Variants in TANC1 observed in about 807,000 individuals in gnomAD.
TANC1 encodes tetratricopeptide repeat, ankyrin repeat and coiled-coil containing 1, also known as protein TANC1.
A neutral mutation model predicts 149.7 loss-of-function variants in TANC1; 77 were observed. That is an observed-to-expected ratio of 0.51 (90% CI 0.43 to 0.62). The LOEUF (loss-of-function observed/expected upper bound fraction) is 0.62. TANC1 is among the 20% of genes least tolerant of loss of function. TANC1 has a pLI of 0.00. For missense variants in TANC1, 1,985 were observed against 2,321.8 expected, an observed-to-expected ratio of 0.85 and a Z score of 2.98; for synonymous variants, 854 against 925.0, an observed-to-expected ratio of 0.92 and a Z score of 1.39.
chr2:158,984,046 C>A (rs1236887669), intron 1 of TANC1, among the ~76,000 whole-genome samples: 5 of 152,146 alleles, frequency 3.3e-5, no homozygotes, highest in Non-Finnish European at 5.9e-5. Flanking sequence ...AAGATCTCAG[C>A]CAGGCAAGGA....
At chr2:159,107,267 T>G (rs1268184226) in intron 4 of TANC1, among the ~76,000 whole-genome samples, 1 of 151,478 alleles carries the variant, frequency 6.6e-6, no homozygotes, top group Non-Finnish European at 1.5e-5. Context: ...CATCAGGTGA[T>G]TCACCTGCCT....
chr2:159,096,579 C>T (rs577939342), intron 3 of TANC1, among the ~76,000 whole-genome samples: 122 of 152,274 alleles, frequency 8.0e-4, no homozygotes, highest in Non-Finnish European at 1.4e-3. Flanking sequence ...TTATTCCTGA[C>T]GCAGGTAGCC....
intron 7 of TANC1, among the ~76,000 whole-genome samples, chr2:159,159,396 C>A (rs1226175739): frequency 6.7e-6 from 1 of 149,038 alleles, no homozygotes; most frequent in African/African-American, 2.5e-5. Context: ...GCCGAGATAG[C>A]ACCACTGCAC....
chr2:159,142,061 A>G (rs1362925786), intron 5 of TANC1, among the ~76,000 whole-genome samples: 1 of 152,228 alleles, frequency 6.6e-6, no homozygotes, highest in Non-Finnish European at 1.5e-5. Context: ...GGTATGTGAT[A>G]AGGAAATGGA....
chr2:159,214,839 C>G (rs2059244401), intron 19 of TANC1, among the ~76,000 whole-genome samples: 1 of 152,202 alleles, frequency 6.6e-6, no homozygotes, highest in Admixed American at 6.5e-5. Context: ...TCCAACAGGA[C>G]AGAGCCCTTT....
chr2:159,224,542 G>A lies in TANC1; in HGVS notation c.3811+178G>A, dbSNP rs183377620. The stretch of plus-strand genomic sequence containing the variant: ...ACACAATGTGTAAGTAGCTCACGGT[G>A]TTTCTGCGGGGAGGGTGTGGAAAGC... On this transcript the variant is annotated intron_variant, in intron 23 of 26. Coordinates refer to ENST00000263635, the MANE Select transcript of TANC1 (RefSeq NM_033394.3). 393 of 701,624 alleles carry A rather than the reference G, an allele frequency of 5.6e-4. 2 individuals are homozygous for A. In the African/African-American group the frequency reaches 6.5e-3, roughly 12 times the overall value. 43.5% of individuals were successfully genotyped at this position (701,624 alleles called of 1,614,324 possible).
chr2:159,202,946 C>G (rs973591963), intron 19 of TANC1, among the ~76,000 whole-genome samples: 1 of 152,134 alleles, frequency 6.6e-6, no homozygotes, highest in African/African-American at 2.4e-5. Context: ...AGCTGGTGAC[C>G]TCATGCTGCT....
intron 22 of TANC1, among the ~76,000 whole-genome samples, chr2:159,221,386 A>G (rs1316811886): frequency 6.7e-6 from 1 of 149,616 alleles, no homozygotes; most frequent in African/African-American, 2.5e-5. Flanking sequence ...GTCTCAAAAA[A>G]ATAATAAATA....
At position 159,230,535 on chromosome 2, in the gene TANC1, C is replaced by T; in HGVS notation, c.5109C>T (p.Asp1703=). The part of the protein sequence containing the change: ...KVQGPDTRIK[D]KVVTHVQSGT... ...AAGGACCAGATACTAGAATTAAAGA[C>T]AAGGTTGTAACCCACGTTCAGAGCG... The change falls in exon 27 of 27, where the codon GAC becomes GAT. Residue 1703 remains aspartate (D), a synonymous_variant. Coordinates refer to ENST00000263635, the MANE Select transcript of TANC1 (RefSeq NM_033394.3). This position sits in a 1 kb window ranked among gnomAD's most constrained non-coding sequence, Gnocchi z 4.4. The T allele has an allele frequency of 6.2e-7, 1 of 1,614,198 alleles. No homozygotes were observed. Among genetic ancestry groups the T allele is most frequent in the South Asian group, 1.1e-5 (1 of 91,092 alleles).
intron 2 of TANC1, among the ~76,000 whole-genome samples, chr2:159,041,606 AT>A (rs1466758458): frequency 6.6e-6 from 1 of 152,186 alleles, no homozygotes; most frequent in Non-Finnish European, 1.5e-5. Flanking sequence ...GCAGGATATA[AT>A]CTCCTGGTGT....
At chr2:159,048,778 G>A (rs141179951) in intron 2 of TANC1, among the ~76,000 whole-genome samples, 17 of 152,272 alleles carry the variant, frequency 1.1e-4, no homozygotes, top group East Asian at 9.6e-4. Flanking sequence ...GGGTATAGGC[G>A]GGTGAACAAA....
chr2:159,120,646 A>G (rs1559297210), intron 4 of TANC1, among the ~76,000 whole-genome samples: 1 of 152,160 alleles, frequency 6.6e-6, no homozygotes, highest in Non-Finnish European at 1.5e-5. Context: ...TATGTATTTC[A>G]GGATAGGGTG....
intron 9 of TANC1, among the ~76,000 whole-genome samples, 170 bp downstream of exon 9, chr2:159,169,542 T>C (rs1364006114): frequency 1.3e-5 from 2 of 152,224 alleles, no homozygotes; most frequent in African/African-American, 2.4e-5. Context: ...CTCAACAGTT[T>C]GGGGCTTCTT....
At chr2:159,023,593 T>C (rs11674055) in intron 2 of TANC1, among the ~76,000 whole-genome samples, 104,006 of 151,722 alleles carry the variant, frequency 0.69, 35,919 homozygotes, top group Non-Finnish European at 0.74. Context: ...CCTCCCACCT[T>C]GGCTTCCCAA....
At position 159,219,356 on chromosome 2, in the gene TANC1, C is replaced by A. The variant is rs1351793384; in HGVS notation, c.3497C>A (p.Ser1166Ter). The A allele has an allele frequency of 1.2e-6, 2 of 1,607,466 alleles. No individual in the cohort carries two copies. ...GHLSTVEFLL[S>*]KGAALSSLDK... ...TTGAGCACCGTGGAATTCCTCCTTTCAAAAGGTAGCAGCGTGATGCCCTCA... is the reference window on the plus strand; with the variant it reads ...TTGAGCACCGTGGAATTCCTCCTTTAAAAAGGTAGCAGCGTGATGCCCTCA... The change falls in exon 21 of 27, where the codon TCA becomes TAA. Residue 1166 changes from serine (S) to a stop codon, truncating the protein, a stop_gained. Transcript: ENST00000263635. LOFTEE classifies it high-confidence loss of function.
intron 7 of TANC1, among the ~76,000 whole-genome samples, chr2:159,163,067 C>A (rs2054207736): frequency 6.6e-6 from 1 of 152,196 alleles, no homozygotes; most frequent in South Asian, 2.1e-4. Context: ...TTCTCCCTCG[C>A]TCCTCTTCTC....
In TANC1 at chr2:159,219,677, G is replaced by A; in HGVS notation, c.3503-15G>A. ...CTCATAATGTTCATGTTCTGTGAATGGGCTTTCCTTTCAGGTGCAGCCCTT... is the reference window on the plus strand; with the variant it reads ...CTCATAATGTTCATGTTCTGTGAATAGGCTTTCCTTTCAGGTGCAGCCCTT... On this transcript the variant is annotated splice_polypyrimidine_tract_variant and intron_variant, in intron 21 of 26. Transcript: ENST00000263635. 1 of 1,614,078 alleles carries A rather than the reference G, an allele frequency of 6.2e-7. No individual in the cohort carries two copies. Among genetic ancestry groups the A allele is most frequent in the Non-Finnish European group, 8.5e-7 (1 of 1,179,986 alleles).
At chr2:159,225,596 T>TGGTGCTGACCTCCAGCC (rs1298003832) in intron 23 of TANC1, 92 bp from the exon 24 acceptor site, 7 of 949,828 alleles carry the variant, frequency 7.4e-6, no homozygotes, top group Non-Finnish European at 1.2e-5. Flanking sequence ...GGGCTCCTGC[T>TGGTGCTGACCTCCAGCC]GGTGCTGACC....
chr2:159,075,696 G>A (rs2043602634), intron 3 of TANC1, among the ~76,000 whole-genome samples: 1 of 151,764 alleles, frequency 6.6e-6, no homozygotes, highest in African/African-American at 2.4e-5. Flanking sequence ...ATAAAAAAAA[G>A]CCTAAGATTT....
Sources: allele counts gnomAD v4.1 joint callset (sites outside exome capture counted in the v4.1 genomes callset), GRCh38; gene constraint gnomAD v4.1.1; non-coding constraint Gnocchi (gnomAD v3.1); transcripts MANE v1.5; gene names NCBI Gene and HGNC (gene_info 2026-07-23, HGNC 2026-07-21).